MID1: variants seen among roughly 807,000 people sequenced by gnomAD.
The protein encoded by MID1 is midline 1.
MID1 carries 7 observed loss-of-function variants against 40.4 expected under a neutral mutation model. That is an observed-to-expected ratio of 0.17 (90% CI 0.10 to 0.33). The LOEUF is 0.33. MID1 is among the 10% of genes least tolerant of loss of function. The pLI is 1.00. For synonymous variants in MID1, 229 were observed against 221.2 expected, an observed-to-expected ratio of 1.04 and a Z score of -0.31; for missense variants, 367 against 558.5, an observed-to-expected ratio of 0.66 and a Z score of 3.46.
intron 1 of MID1, among the ~76,000 whole-genome samples, chrX:10,584,468 C>T: frequency 9.0e-6 from 1 of 111,482 alleles, no homozygotes; most frequent in African/African-American, 3.3e-5. Context: ...TACTTACTCA[C>T]CAGCTTTTGC....
intron 1 of MID1, among the ~76,000 whole-genome samples, chrX:10,735,404 T>C (rs558536321): frequency 2.1e-4 from 24 of 111,920 alleles, no homozygotes; most frequent in Non-Finnish European, 4.0e-4. Context: ...GCCTGGCCTA[T>C]AGGGATTTTT....
chrX:10,589,275 C>G (rs1253287306), intron 1 of MID1, among the ~76,000 whole-genome samples: 1 of 111,760 alleles, frequency 8.9e-6, no homozygotes, highest in Non-Finnish European at 1.9e-5. Context: ...GGTGATCAGG[C>G]CATGCTTCCA....
chrX:10,558,535 G>A (rs756845467), intron 2 of MID1, among the ~76,000 whole-genome samples: 2 of 112,971 alleles, frequency 1.8e-5, no homozygotes, highest in South Asian at 3.6e-4. Flanking sequence ...ACACATTAAA[G>A]CAACAATATA....
chrX:10,457,819 C>T (rs1271062845), intron 8 of MID1, among the ~76,000 whole-genome samples: 1 of 112,534 alleles, frequency 8.9e-6, no homozygotes, highest in Non-Finnish European at 1.9e-5. Flanking sequence ...TTTTCTGTTC[C>T]ATAAATATAT....
At chrX:10,449,877 C>T (rs1436729097) in intron 9 of MID1, among the ~76,000 whole-genome samples, 161 bp from the exon 10 acceptor site, 1 of 112,080 alleles carries the variant, frequency 8.9e-6, no homozygotes, top group African/African-American at 3.2e-5. Context: ...ATCTGTGTTC[C>T]TCATCTCCTT....
chrX:10,519,172 A>T (rs1932591681), intron 3 of MID1, among the ~76,000 whole-genome samples: 1 of 111,831 alleles, frequency 8.9e-6, no homozygotes, highest in African/African-American at 3.2e-5. Context: ...CACCCAATCC[A>T]TAAAGCATTT....
rs760017131 is a variant in MID1, at chrX:10,458,113, C to T, written c.1447+1533G>A. Among the ~76,000 whole-genome samples, 6 of 112,768 alleles carry T rather than the reference C, an allele frequency of 5.3e-5. No individual in the cohort carries two copies. In the East Asian group the frequency reaches 1.7e-3, roughly 31 times the overall value. On this transcript the variant is annotated intron_variant, in intron 8 of 9. Coordinates refer to ENST00000317552, the MANE Select transcript of MID1 (RefSeq NM_000381.4). ...CTCATAATATCCTTAGCATCTTGCA[C>T]AGCATCCCAAACACACTTGGTGCTC...
intron 1 of MID1, among the ~76,000 whole-genome samples, chrX:10,797,333 C>T (rs1252414843): frequency 8.9e-6 from 1 of 112,032 alleles, no homozygotes; most frequent in African/African-American, 3.2e-5. Context: ...TAACCACTCA[C>T]AGAGCAATTC....
At chrX:10,534,063 G>A (rs1933145530) in intron 2 of MID1, among the ~76,000 whole-genome samples, 1 of 109,759 alleles carries the variant, frequency 9.1e-6, no homozygotes, top group African/African-American at 3.3e-5. Context: ...AGGGTGTAGA[G>A]CACTAGATAA....
intron 1 of MID1, among the ~76,000 whole-genome samples, chrX:10,724,759 T>C (rs1031178864): frequency 3.5e-5 from 4 of 112,746 alleles, no homozygotes; most frequent in Non-Finnish European, 7.5e-5. Flanking sequence ...CTGTTTTATC[T>C]TAGTTACCTT....
intron 2 of MID1, among the ~76,000 whole-genome samples, chrX:10,544,459 T>C (rs1002348235): frequency 5.3e-5 from 6 of 112,323 alleles, no homozygotes; most frequent in African/African-American, 1.9e-4. Flanking sequence ...AAAAAAAGCA[T>C]GCTTGGAATT....
intron 1 of MID1, among the ~76,000 whole-genome samples, chrX:10,576,381 T>G (rs1284679450): frequency 8.9e-6 from 1 of 111,897 alleles, no homozygotes; most frequent in Non-Finnish European, 1.9e-5. Flanking sequence ...GAAGAATCAC[T>G]TCGAAGCATG....
At chrX:10,810,650 T>C (rs144520255) in intron 1 of MID1, among the ~76,000 whole-genome samples, 2,447 of 110,318 alleles carry the variant, frequency 0.022, 72 homozygotes, top group African/African-American at 0.077. Flanking sequence ...CATCAATGCA[T>C]AGAGTTCCAA....
intron 3 of MID1, chrX:10,505,513 A>T: frequency 1.3e-6 from 1 of 754,158 alleles, no homozygotes; most frequent in African/African-American, 2.3e-5. Context: ...GGCACACTGA[A>T]TGAAAAGAAA....
At chrX:10,483,192 T>C (rs1357529075) in intron 4 of MID1, among the ~76,000 whole-genome samples, 1 of 112,021 alleles carries the variant, frequency 8.9e-6, no homozygotes, top group Admixed American at 9.4e-5. Flanking sequence ...ATTTTTCCCA[T>C]TGATTAATAT....
At position 10,449,284 on chromosome X, in the gene MID1, C is replaced by T; in HGVS notation, c.*84G>A. On this transcript the variant is annotated 3_prime_UTR_variant, in exon 10 of 10. Transcript: ENST00000317552. Reference sequence around the variant, plus strand: ...ACTTCTGGTGAGATTTCATTACACTCATGAAGCCTGTGCTTTCTCAGTCCC... The same window carrying T: ...ACTTCTGGTGAGATTTCATTACACTTATGAAGCCTGTGCTTTCTCAGTCCC... 1.2e-6 allele frequency: 1 copy of T among 838,641 alleles called. No homozygotes were observed. The highest frequency in any genetic ancestry group is 1.7e-6 in the Non-Finnish European group (1 of 578,232). The allele number at this position is 838,641 out of a possible 1,213,427, so 69.1% of individuals were successfully genotyped here. A position where few individuals can be genotyped will look rare whatever the true frequency, so the allele number is the denominator to read the frequency against.
intron 2 of MID1, among the ~76,000 whole-genome samples, chrX:10,552,697 G>C (rs1014495177): frequency 9.1e-6 from 1 of 110,342 alleles, no homozygotes; most frequent in African/African-American, 3.3e-5. Context: ...TACAGAAAAG[G>C]CTTAAAATTT....
At chrX:10,669,185 G>A (rs1432278254) in intron 1 of MID1, among the ~76,000 whole-genome samples, 11 of 96,752 alleles carry the variant, frequency 1.1e-4, no homozygotes, top group Non-Finnish European at 1.8e-4. Flanking sequence ...CACCACTGCA[G>A]TCCGCAGTCC....
chrX:10,769,582 C>T (rs917321692), intron 1 of MID1, among the ~76,000 whole-genome samples: 4 of 112,100 alleles, frequency 3.6e-5, no homozygotes, highest in African/African-American at 1.3e-4. Context: ...AAGAAGCACA[C>T]AAGAACTGAA....
Sources: allele counts gnomAD v4.1 joint callset (sites outside exome capture counted in the v4.1 genomes callset), GRCh38; gene constraint gnomAD v4.1.1; transcripts MANE v1.5; gene names NCBI Gene and HGNC (gene_info 2026-07-23, HGNC 2026-07-21).